Variants in UBE2J2 observed in about 807,000 individuals in gnomAD.
The protein encoded by UBE2J2 is ubiquitin-conjugating enzyme E2 J2.
Under a neutral mutation model 28.6 loss-of-function variants are expected in UBE2J2, and 5 were observed. That is an observed-to-expected ratio of 0.17 (90% CI 0.09 to 0.37). UBE2J2 has a LOEUF of 0.37. Ranked by LOEUF, UBE2J2 falls within the 10% of genes least tolerant of loss-of-function variation. UBE2J2 has a pLI of 1.00. For missense variants in UBE2J2, 226 were observed against 338.9 expected (o/e 0.67, Z 2.62); for synonymous variants, 138 against 139.7 (o/e 0.99, Z 0.09).
At chr1:1,271,254 C>T (rs1640129100) in intron 1 of UBE2J2, among the ~76,000 whole-genome samples, 1 of 152,258 alleles carries the variant, frequency 6.6e-6, no homozygotes, top group Non-Finnish European at 1.5e-5. Context: ...GGCCAGGGAT[C>T]TCCCCTCAGG....
chr1:1,261,688 G>C (rs1237127197), intron 3 of UBE2J2, among the ~76,000 whole-genome samples: 1 of 118,364 alleles, frequency 8.4e-6, no homozygotes, highest in Non-Finnish European at 1.7e-5. Context: ...TTTTGATCTT[G>C]TCACCCAGGG....
In UBE2J2 at chr1:1,268,876, T is replaced by C. The variant is rs1570579071; in HGVS notation, c.1-884A>G. 6.6e-6 allele frequency among the ~76,000 whole-genome samples: 1 copy of C among 151,760 alleles called. No individual in the cohort carries two copies. The highest frequency in any genetic ancestry group is 1.5e-5 in the Non-Finnish European group (1 of 67,942). ...TTTTTTTGTAGAGCTGGGATCTCAC[T>C]ATGTTGCCCAAGGTGGTCTCAAACT... On this transcript the variant is annotated intron_variant, in intron 1 of 6. Transcript: ENST00000349431. The surrounding 1 kb of genome is among the most constrained non-coding windows in gnomAD (Gnocchi z 4.7).
intron 3 of UBE2J2, chr1:1,262,809 T>G: frequency 5.7e-6 from 1 of 174,194 alleles, no homozygotes; most frequent in South Asian, 1.2e-4. Flanking sequence ...TGGTGTCTGC[T>G]GACCTGGAGG....
In UBE2J2 at chr1:1,268,692, A is replaced by C. The variant is rs147791533; in HGVS notation, c.1-700T>G. ...GCCAGGGAGGCAGGGCCAGGGCATAAGAGTTTATTTACTTATTTTTCGTGA... is the reference window on the plus strand; with the variant it reads ...GCCAGGGAGGCAGGGCCAGGGCATACGAGTTTATTTACTTATTTTTCGTGA... On this transcript the variant is annotated intron_variant, in intron 1 of 6. Transcript: ENST00000349431. This position sits in a 1 kb window ranked among gnomAD's most constrained non-coding sequence, Gnocchi z 4.7. 1.3e-3 allele frequency among the ~76,000 whole-genome samples: 197 copies of C among 152,306 alleles called. 1 individual carries two copies. The highest frequency in any genetic ancestry group is 2.5e-3 in the Non-Finnish European group (173 of 68,020).
intron 1 of UBE2J2, among the ~76,000 whole-genome samples, chr1:1,270,939 T>C (rs1281532655): frequency 6.6e-6 from 1 of 151,560 alleles, no homozygotes; most frequent in Non-Finnish European, 1.5e-5. Flanking sequence ...ACACACTCCT[T>C]CTCACAGCTG....
Position 1,254,561 on chromosome 1 carries a change from T to C in UBE2J2, c.*642A>G, listed in dbSNP as rs1365464230. The stretch of plus-strand genomic sequence containing the variant: ...GCGGCCGCCGCAGTCAAGGGCGACT[T>C]GTGGTTGGAGTGAGCAGGCTCCTGG... On this transcript the variant is annotated 3_prime_UTR_variant, in exon 7 of 7. Coordinates refer to ENST00000349431, the MANE Select transcript of UBE2J2 (RefSeq NM_058167.3). 6.6e-6 allele frequency: 1 copy of C among 152,346 alleles called. No homozygotes were observed. The highest frequency in any genetic ancestry group is 6.5e-5 in the Admixed American group (1 of 15,292). 9.4% of individuals were successfully genotyped at this position (152,346 alleles called of 1,614,324 possible).
intron 3 of UBE2J2, 97 bp from the exon 4 acceptor site, chr1:1,257,407 C>CGG (rs1475341639): frequency 7.2e-6 from 4 of 554,638 alleles, no homozygotes; most frequent in South Asian, 4.4e-5. Context: ...CCCCCCCCCC[C>CGG]CTCAGCTCGG....
intron 3 of UBE2J2, among the ~76,000 whole-genome samples, chr1:1,257,854 T>C (rs1639302791): frequency 6.6e-6 from 1 of 151,612 alleles, no homozygotes; most frequent in South Asian, 2.1e-4. Context: ...CACACACCCC[T>C]CCAAGTTCTG....
chr1:1,258,462 C>G (rs932223359), intron 3 of UBE2J2, among the ~76,000 whole-genome samples: 4 of 152,024 alleles, frequency 2.6e-5, no homozygotes, highest in Non-Finnish European at 5.9e-5. Context: ...CCCACTCCAG[C>G]CAGCCCCTCT....
intron 2 of UBE2J2, among the ~76,000 whole-genome samples, chr1:1,266,614 G>A (rs1436182070): frequency 2.0e-5 from 3 of 152,170 alleles, no homozygotes; most frequent in Non-Finnish European, 4.4e-5. Flanking sequence ...GAGGTCAGGA[G>A]ATCAAGACCA....
chr1:1,265,564 CGTGTGTGTGT>C (rs112951404), intron 2 of UBE2J2, among the ~76,000 whole-genome samples: 164 of 143,328 alleles, frequency 1.1e-3, no homozygotes, highest in East Asian at 2.7e-3. Context: ...AGTTTTCTCT[CGTGTGTGTGT>C]GTGTGTGTGT....
In UBE2J2 at chr1:1,255,576, C is replaced by T. The variant is rs559742553; in HGVS notation, c.496-89G>A. 1,532 of 1,431,766 alleles carry T rather than the reference C, an allele frequency of 1.1e-3. 1 individual carries two copies. Among genetic ancestry groups the T allele is most frequent in the Non-Finnish European group, 1.3e-3 (1,418 of 1,056,230 alleles). The allele number at this position is 1,431,766 out of a possible 1,614,324, so 88.7% of individuals were successfully genotyped here. On this transcript the variant is annotated intron_variant, in intron 6 of 6. Coordinates refer to ENST00000349431, the MANE Select transcript of UBE2J2 (RefSeq NM_058167.3). ...CCGTTCTCAGGAGTCCACGGTCCAC[C>T]ACCAAGAACCAAGCCCTAGGCTGTG...
chr1:1,267,477 C>T (rs1639934632), intron 2 of UBE2J2, among the ~76,000 whole-genome samples: 1 of 152,208 alleles, frequency 6.6e-6, no homozygotes, highest in Non-Finnish European at 1.5e-5. Flanking sequence ...GGCAGTTTCT[C>T]CTCTAAGTGC....
intron 1 of UBE2J2, among the ~76,000 whole-genome samples, chr1:1,271,904 G>A (rs979843763): frequency 6.0e-5 from 9 of 150,676 alleles, no homozygotes; most frequent in African/African-American, 2.2e-4. Context: ...AATCCAGGAG[G>A]TGGAGGCTGT....
At chr1:1,260,664 C>T (rs1639503915) in intron 3 of UBE2J2, among the ~76,000 whole-genome samples, 1 of 152,346 alleles carries the variant, frequency 6.6e-6, no homozygotes, top group South Asian at 2.1e-4. Context: ...ATCCCCACAC[C>T]CCAGGCCATC....
chr1:1,261,856 G>C (rs1004214298), intron 3 of UBE2J2, among the ~76,000 whole-genome samples: 4 of 150,796 alleles, frequency 2.7e-5, no homozygotes, highest in Admixed American at 2.6e-4. Flanking sequence ...CACCGTATTA[G>C]CAAGGATGGT....
chr1:1,257,169 G>A lies in UBE2J2; in HGVS notation c.275+39C>T, dbSNP rs184712148. On this transcript the variant is annotated intron_variant, in intron 4 of 6. Transcript: ENST00000349431. ...GCCCCGTCAGTGCACACTCCCCACC[G>A]CAGCCAGAAAGCCTCCGCGGCCCCT... 2.0e-3 allele frequency: 3,212 copies of A among 1,601,282 alleles called. 9 individuals are homozygous for A. The highest frequency in any genetic ancestry group is 2.4e-3 in the Non-Finnish European group (2,848 of 1,172,108).
At chr1:1,259,014 G>A (rs569203893) in intron 3 of UBE2J2, among the ~76,000 whole-genome samples, 7 of 151,758 alleles carry the variant, frequency 4.6e-5, no homozygotes, top group African/African-American at 9.7e-5. Flanking sequence ...ATCAGGACGC[G>A]TGTGTGCGTG....
chr1:1,259,934 G>A (rs1245911643), intron 3 of UBE2J2, among the ~76,000 whole-genome samples: 1 of 152,222 alleles, frequency 6.6e-6, no homozygotes, highest in African/African-American at 2.4e-5. Flanking sequence ...CCCTGCATGT[G>A]TGGCCTCCCG....
Sources: gnomAD v4.1 joint callset for allele counts (sites outside exome capture counted in the v4.1 genomes callset) on GRCh38, gnomAD v4.1.1 for gene constraint, Gnocchi (gnomAD v3.1) non-coding constraint, MANE v1.5 for transcripts, NCBI Gene and HGNC (gene_info 2026-07-23, HGNC 2026-07-21) for gene names.